Variants in NCAM2 observed in about 807,000 individuals in gnomAD.
The protein encoded by NCAM2 is N-CAM-2.
Under a neutral mutation model 98.1 loss-of-function variants are expected in NCAM2, and 30 were observed. The observed-to-expected ratio is 0.31, with a 90% confidence interval of 0.23 to 0.41. NCAM2 has a LOEUF of 0.41. Among genes scored for constraint, NCAM2 ranks in the 10% least tolerant of loss-of-function variants. NCAM2 has a pLI of 1.00. For missense variants in NCAM2, 867 were observed against 1,005.8 expected (o/e 0.86, Z 1.87); for synonymous variants, 368 against 342.4 (o/e 1.07, Z -0.83).
chr21:21,433,378 TA>T (rs929907609), intron 12 of NCAM2, among the ~76,000 whole-genome samples: 40 of 151,980 alleles, frequency 2.6e-4, no homozygotes, highest in Non-Finnish European at 5.3e-4. Context: ...AGTTTTTTTT[TA>T]AAAAATTATT....
chr21:21,246,114 G>A (rs538144702), intron 1 of NCAM2, among the ~76,000 whole-genome samples: 4 of 152,250 alleles, frequency 2.6e-5, no homozygotes, highest in African/African-American at 9.6e-5. Flanking sequence ...CTCCCTTGCT[G>A]TCTCTTGGAT....
intron 11 of NCAM2, among the ~76,000 whole-genome samples, chr21:21,418,913 AAGAAC>A (rs1190037736): frequency 6.6e-6 from 1 of 152,174 alleles, no homozygotes; most frequent in East Asian, 1.9e-4. Context: ...AATTGTATGA[AAGAAC>A]AGACATGCCA....
intron 1 of NCAM2, among the ~76,000 whole-genome samples, chr21:21,198,397 G>A (rs937618048): frequency 6.6e-5 from 10 of 151,824 alleles, no homozygotes; most frequent in Non-Finnish European, 1.0e-4. Context: ...CAAGTTGGCC[G>A]GAATGTACTT....
chr21:21,165,773 G>A (rs958823332), intron 1 of NCAM2, among the ~76,000 whole-genome samples: 1 of 152,042 alleles, frequency 6.6e-6, no homozygotes, highest in Admixed American at 6.6e-5. Flanking sequence ...AAAAATTACA[G>A]GTGTATTTTC....
At chr21:21,452,971 T>G (rs1187381042) in intron 12 of NCAM2, among the ~76,000 whole-genome samples, 1 of 32,138 alleles carries the variant, frequency 3.1e-5, no homozygotes, top group Non-Finnish European at 7.4e-5. Context: ...ATATTATATA[T>G]TATTATATAT....
chr21:21,234,972 T>A (rs2070761612), intron 1 of NCAM2, among the ~76,000 whole-genome samples: 1 of 152,062 alleles, frequency 6.6e-6, no homozygotes, highest in African/African-American at 2.4e-5. Flanking sequence ...TATAATGGCA[T>A]AATGTCTGCT....
At chr21:21,378,866 T>G (rs1254853135) in intron 9 of NCAM2, among the ~76,000 whole-genome samples, 1 of 152,140 alleles carries the variant, frequency 6.6e-6, no homozygotes, top group Non-Finnish European at 1.5e-5. Flanking sequence ...TTTGTTTGAT[T>G]TCTTCAGGTA....
chr21:21,354,970 G>A (rs1187360935), intron 8 of NCAM2, among the ~76,000 whole-genome samples: 1 of 152,116 alleles, frequency 6.6e-6, no homozygotes, highest in Non-Finnish European at 1.5e-5. Flanking sequence ...TAGATCACCT[G>A]CATAATTTGT....
At chr21:21,105,625 A>T (rs139478306) in intron 1 of NCAM2, among the ~76,000 whole-genome samples, 415 of 152,334 alleles carry the variant, frequency 2.7e-3, no homozygotes, top group African/African-American at 9.6e-3. Flanking sequence ...GTATTGGCAA[A>T]AACATTAATA....
intron 16 of NCAM2, among the ~76,000 whole-genome samples, chr21:21,512,422 C>A (rs911696106): frequency 6.6e-6 from 1 of 151,906 alleles, no homozygotes; most frequent in Non-Finnish European, 1.5e-5. Context: ...TGTCTGGGTT[C>A]TCTACGCCAT....
chr21:21,157,646 A>G (rs2067655964), intron 1 of NCAM2, among the ~76,000 whole-genome samples: 1 of 152,102 alleles, frequency 6.6e-6, no homozygotes, highest in East Asian at 1.9e-4. Context: ...TTTCCTTTAT[A>G]TGGAATCATC....
chr21:21,311,390 G>C (rs776183381), intron 5 of NCAM2, among the ~76,000 whole-genome samples: 6 of 147,462 alleles, frequency 4.1e-5, no homozygotes, highest in Non-Finnish European at 8.9e-5. Context: ...GCCCAGGCTG[G>C]AGTGCAATGA....
At chr21:21,268,285 C>A (rs1047375573) in intron 1 of NCAM2, among the ~76,000 whole-genome samples, 13 of 152,144 alleles carry the variant, frequency 8.5e-5, no homozygotes, top group African/African-American at 3.1e-4. Flanking sequence ...TTTCTCACAG[C>A]AAGTCTAATG....
intron 1 of NCAM2, among the ~76,000 whole-genome samples, chr21:21,122,675 G>T (rs1601426221): frequency 6.6e-6 from 1 of 152,130 alleles, no homozygotes; most frequent in East Asian, 1.9e-4. Flanking sequence ...TGTTTCCTAT[G>T]GCTTACGTCT....
intron 1 of NCAM2, among the ~76,000 whole-genome samples, chr21:21,250,240 G>GA (rs2071422451): frequency 1.3e-5 from 2 of 152,168 alleles, no homozygotes; most frequent in African/African-American, 2.4e-5. Flanking sequence ...CTGGATGCTA[G>GA]AAAAAATTGT....
chr21:21,071,277 C>A (rs569682948), intron 1 of NCAM2, among the ~76,000 whole-genome samples: 8 of 152,150 alleles, frequency 5.3e-5, no homozygotes, highest in Non-Finnish European at 1.2e-4. Context: ...ATGAAGGGAA[C>A]AAATGAGAAA....
rs1981621132 is a variant in NCAM2 at position 21,453,315 on chromosome 21, G to A, written c.1655-13291G>A. 2.6e-5 allele frequency among the ~76,000 whole-genome samples: 4 copies of A among 151,408 alleles called. 1 individual carries two copies. The South Asian group carries it at 8.3e-4, about 31-fold the overall frequency. ...TTAAGCAGAGTCCCATATGAAGTGA[G>A]GGCATGATCACATAAATACCTAGGG... is the stretch of plus-strand genomic sequence containing the variant. On this transcript the variant is annotated intron_variant, in intron 12 of 17. Transcript: ENST00000400546.
chr21:21,533,406 G>GATAAT, intron 16 of NCAM2, among the ~76,000 whole-genome samples: 1 of 151,694 alleles, frequency 6.6e-6, no homozygotes, highest in Non-Finnish European at 1.5e-5. Context: ...TGCCTCAGTT[G>GATAAT]CCTTAGTAAA....
intron 9 of NCAM2, among the ~76,000 whole-genome samples, chr21:21,383,470 C>CA (rs2076201787): frequency 6.6e-6 from 1 of 152,122 alleles, no homozygotes; most frequent in Admixed American, 6.5e-5. Context: ...TGAACCTCTT[C>CA]AACTAGGGCC....
Sources: gnomAD v4.1 joint callset for allele counts (sites outside exome capture counted in the v4.1 genomes callset) on GRCh38, gnomAD v4.1.1 for gene constraint, MANE v1.5 for transcripts, NCBI Gene and HGNC (gene_info 2026-07-23, HGNC 2026-07-21) for gene names.